Variants in FGGY observed in about 807,000 individuals in gnomAD.
FGGY encodes FGGY carbohydrate kinase domain-containing protein.
Under a neutral mutation model 71.3 loss-of-function variants are expected in FGGY, and 72 were observed. That is an observed-to-expected ratio of 1.01 (90% confidence interval 0.84 to 1.23). FGGY has a LOEUF of 1.23. Ranked by LOEUF, FGGY falls within the 50% of genes most tolerant of loss-of-function variation. The pLI, the probability that FGGY is intolerant of heterozygous loss-of-function variation, is 0.00. For synonymous variants in FGGY, 251 were observed against 250.3 expected, an observed-to-expected ratio of 1.00 and a Z score of -0.02; for missense variants, 668 against 682.3, an observed-to-expected ratio of 0.98 and a Z score of 0.23.
chr1:59,665,484 C>T (rs2097314807), intron 12 of FGGY, among the ~76,000 whole-genome samples: 1 of 152,078 alleles, frequency 6.6e-6, no homozygotes. Flanking sequence ...ATGATTTATG[C>T]CAAACCAATT....
intron 1 of FGGY, among the ~76,000 whole-genome samples, chr1:59,301,901 C>CT (rs60018175): frequency 0.19 from 26,521 of 138,322 alleles, 2,973 homozygotes; most frequent in East Asian, 0.4. Context: ...TTCTTTCTTT[C>CT]TTTTTTTTTT....
intron 4 of FGGY, among the ~76,000 whole-genome samples, chr1:59,367,210 G>A (rs1194671680): frequency 6.6e-6 from 1 of 152,176 alleles, no homozygotes; most frequent in Non-Finnish European, 1.5e-5. Flanking sequence ...CTGATGTTCT[G>A]TCTCTGTGCA....
chr1:59,758,396 A>G (rs2098312905), intron 15 of FGGY, among the ~76,000 whole-genome samples: 1 of 152,266 alleles, frequency 6.6e-6, no homozygotes. Flanking sequence ...CCAATTCAAC[A>G]AAATATTAGT....
chr1:59,482,304 C>A (rs986467922), intron 6 of FGGY, among the ~76,000 whole-genome samples: 1 of 152,072 alleles, frequency 6.6e-6, no homozygotes, highest in Non-Finnish European at 1.5e-5. Context: ...ATGTTTAGAA[C>A]CTCCTGTGGG....
rs112934759 is a variant in FGGY at position 59,311,113 on chromosome 1, A to G, written c.-14-10423A>G. Among the ~76,000 whole-genome samples, 334 of 152,296 alleles carry G rather than the reference A, an allele frequency of 2.2e-3. 1 individual carries two copies. Among genetic ancestry groups the G allele is most frequent in the African/African-American group, 7.8e-3 (323 of 41,556 alleles). ...TCTAATGATCATCTGAAAAGGCTTC[A>G]CAGGATTAACAGATTTGAAACTTCA... On this transcript the variant is annotated intron_variant, in intron 1 of 15. Transcript: ENST00000303721.
At chr1:59,431,695 G>T (rs369388896) in intron 5 of FGGY, among the ~76,000 whole-genome samples, 584 of 152,304 alleles carry the variant, frequency 3.8e-3, no homozygotes, top group African/African-American at 0.014. Flanking sequence ...AATAGATGAA[G>T]AAGGAACACA....
intron 6 of FGGY, among the ~76,000 whole-genome samples, chr1:59,462,525 C>T (rs1180623237): frequency 1.3e-5 from 2 of 152,058 alleles, no homozygotes; most frequent in African/African-American, 2.4e-5. Flanking sequence ...ACAGGCAACC[C>T]ACAAAATGGC....
intron 5 of FGGY, among the ~76,000 whole-genome samples, chr1:59,415,195 A>G (rs192982168): frequency 1.5e-4 from 23 of 152,196 alleles, no homozygotes; most frequent in African/African-American, 5.5e-4. Context: ...GGGAAGATCA[A>G]AAATGAAAAT....
chr1:59,582,766 T>C (rs185510506), intron 8 of FGGY, among the ~76,000 whole-genome samples: 10 of 150,348 alleles, frequency 6.7e-5, no homozygotes, highest in Admixed American at 3.9e-4. Context: ...AGGACAGATA[T>C]TGCGGAGCAT....
intron 2 of FGGY, among the ~76,000 whole-genome samples, chr1:59,333,648 G>A (rs562598488): frequency 6.6e-6 from 1 of 152,314 alleles, no homozygotes; most frequent in East Asian, 1.9e-4. Context: ...AGCCATACCT[G>A]TAAATGCTAT....
intron 8 of FGGY, among the ~76,000 whole-genome samples, chr1:59,569,853 C>G (rs781704235): frequency 6.6e-6 from 1 of 152,108 alleles, no homozygotes; most frequent in South Asian, 2.1e-4. Context: ...TGTCCCACAG[C>G]TAATAAATGA....
intron 8 of FGGY, among the ~76,000 whole-genome samples, chr1:59,590,850 C>G (rs2096419131): frequency 6.6e-6 from 1 of 152,120 alleles, no homozygotes; most frequent in South Asian, 2.1e-4. Flanking sequence ...TGGGCAAAAA[C>G]TGGAAGCATT....
intron 7 of FGGY, among the ~76,000 whole-genome samples, chr1:59,539,480 A>C (rs986022110): frequency 6.6e-6 from 1 of 152,208 alleles, no homozygotes; most frequent in Non-Finnish European, 1.5e-5. Context: ...TTTGTGGCAA[A>C]GATGCCGTTG....
intron 14 of FGGY, among the ~76,000 whole-genome samples, chr1:59,709,466 TCACACA>T (rs111353878): frequency 3.5e-5 from 5 of 142,662 alleles, no homozygotes; most frequent in Admixed American, 7.0e-5. Context: ...TGAAACTATA[TCACACA>T]CACACACACA....
chr1:59,730,887 A>G (rs1368353808), intron 14 of FGGY, among the ~76,000 whole-genome samples: 1 of 152,224 alleles, frequency 6.6e-6, no homozygotes, highest in Non-Finnish European at 1.5e-5. Flanking sequence ...GTCGGACAAC[A>G]TGCAAAGTGA....
intron 6 of FGGY, among the ~76,000 whole-genome samples, chr1:59,477,906 T>G (rs143075903): frequency 5.3e-4 from 80 of 152,326 alleles, no homozygotes; most frequent in African/African-American, 1.9e-3. Flanking sequence ...TAGAGATCTA[T>G]TGTTGACTCA....
At chr1:59,526,602 T>C (rs2094988886) in intron 7 of FGGY, among the ~76,000 whole-genome samples, 1 of 152,204 alleles carries the variant, frequency 6.6e-6, no homozygotes, top group African/African-American at 2.4e-5. Flanking sequence ...CAGGACAAGT[T>C]AGGAGGTGAA....
rs1204532580 is a variant in FGGY, at chr1:59,452,671, G to A, written c.555-4290G>A. Among the ~76,000 whole-genome samples the A allele has an allele frequency of 1.3e-5, 2 of 152,210 alleles. 1 individual carries two copies. On this transcript the variant is annotated intron_variant, in intron 5 of 15. Transcript: ENST00000303721. The stretch of plus-strand genomic sequence containing the variant: ...TTTAGTATCTATTCTGCATTAACAA[G>A]TCTGAAAGCAGTGAAAGGTACATCA...
chr1:59,762,063 G>T (rs1373968266), intron 15 of FGGY, among the ~76,000 whole-genome samples: 1 of 111,042 alleles, frequency 9.0e-6, no homozygotes, highest in Non-Finnish European at 1.8e-5. Context: ...CTCTCATTTA[G>T]GAATTTTTTT....
Sources: allele counts gnomAD v4.1 joint callset (sites outside exome capture counted in the v4.1 genomes callset), GRCh38; gene constraint gnomAD v4.1.1; transcripts MANE v1.5; gene names NCBI Gene and HGNC (gene_info 2026-07-23, HGNC 2026-07-21).